The following CDH13 variants were observed in gnomAD, a reference collection of about 807,000 sequenced individuals.
CDH13 encodes cadherin 13.
A neutral mutation model predicts 63.8 loss-of-function variants in CDH13; 24 were observed. That is an observed-to-expected ratio of 0.38 (90% CI 0.27 to 0.53). The LOEUF is 0.53. Among genes scored for constraint, CDH13 ranks in the 20% least tolerant of loss-of-function variants. CDH13 has a pLI of 0.85. For missense variants in CDH13, 1,049 were observed against 903.1 expected, an observed-to-expected ratio of 1.16 and a Z score of -2.07; for synonymous variants, 503 against 355.3, an observed-to-expected ratio of 1.42 and a Z score of -4.67.
In CDH13 at chr16:83,486,673, C is replaced by T. The variant is rs766731010; in HGVS notation, c.960+18C>T. 1.5e-5 allele frequency: 24 copies of T among 1,607,064 alleles called. No individual in the cohort carries two copies. Among genetic ancestry groups the T allele is most frequent in the Non-Finnish European group, 2.0e-5 (23 of 1,174,044 alleles). ...ACCGAGAGGTGAGCTGAAAAGAATACACTTTCTTTTTCACGAGAATAGAAT... is the reference window on the plus strand; with the variant it reads ...ACCGAGAGGTGAGCTGAAAAGAATATACTTTCTTTTTCACGAGAATAGAAT... On this transcript the variant is annotated intron_variant, in intron 7 of 13. Coordinates refer to ENST00000567109, the MANE Select transcript of CDH13 (RefSeq NM_001257.5).
rs1004618600 is a variant in CDH13 at position 83,800,254 on chromosome 16, C to G, written c.*5224C>G. The G allele has an allele frequency of 5.3e-5, 8 of 151,958 alleles. No homozygotes were observed. The highest frequency in any genetic ancestry group is 1.0e-4 in the Non-Finnish European group (7 of 67,964). 9.4% of individuals were successfully genotyped at this position (151,958 alleles called of 1,614,324 possible). On this transcript the variant is annotated 3_prime_UTR_variant, in exon 14 of 14. Transcript: ENST00000567109. The stretch of plus-strand genomic sequence containing the variant: ...AAATAAACTGGAGACTATTTTTTTG[C>G]TACTTTTTAAAAAGCTTTTTCTTTA...
chr16:82,956,881 G>C (rs1906196949), intron 2 of CDH13, among the ~76,000 whole-genome samples: 1 of 152,216 alleles, frequency 6.6e-6, no homozygotes, highest in Admixed American at 6.5e-5. Flanking sequence ...CAATAAGATA[G>C]ATGCATATTA....
In CDH13 at chr16:82,718,461, G is replaced by T. The variant is rs1364070441; in HGVS notation, c.45+91324G>T. Among the ~76,000 whole-genome samples the T allele has an allele frequency of 2.6e-5, 4 of 152,304 alleles. No homozygotes were observed. In the East Asian group the frequency reaches 7.7e-4, roughly 29 times the overall value. Reference sequence around the variant, plus strand: ...AAGTAGGAAGTAACCAGCAACTGGGGTGGGGATGGTGAAGAAGAAGGAGAA... The same window carrying T: ...AAGTAGGAAGTAACCAGCAACTGGGTTGGGGATGGTGAAGAAGAAGGAGAA... On this transcript the variant is annotated intron_variant, in intron 1 of 13. Transcript: ENST00000567109.
At chr16:82,827,385 C>T (rs1159988261) in intron 1 of CDH13, among the ~76,000 whole-genome samples, 2 of 152,118 alleles carry the variant, frequency 1.3e-5, no homozygotes, top group Non-Finnish European at 2.9e-5. Flanking sequence ...AAGCAAATGT[C>T]TGCCACTCAC....
chr16:82,888,484 G>A (rs555427077), intron 2 of CDH13, among the ~76,000 whole-genome samples: 1 of 152,180 alleles, frequency 6.6e-6, no homozygotes, highest in Non-Finnish European at 1.5e-5. Context: ...CTCTGTCCCT[G>A]CTGCCTCTGG....
At chr16:83,376,130 A>T (rs962966038) in intron 6 of CDH13, among the ~76,000 whole-genome samples, 25 of 152,178 alleles carry the variant, frequency 1.6e-4, no homozygotes, top group African/African-American at 5.8e-4. Flanking sequence ...GCAAACAAAA[A>T]TGGCCACCTG....
intron 2 of CDH13, among the ~76,000 whole-genome samples, chr16:82,993,545 GGGCCATGTTTA>G (rs1279908560): frequency 7.9e-5 from 12 of 152,100 alleles, no homozygotes; most frequent in Non-Finnish European, 1.3e-4. Context: ...AAGTAGCATT[GGGCCATGTTTA>G]AGAAGTTTTC....
At chr16:83,014,826 ATT>A (rs376686586) in intron 2 of CDH13, among the ~76,000 whole-genome samples, 13,406 of 39,142 alleles carry the variant, frequency 0.34, 1,101 homozygotes, top group East Asian at 0.46. Flanking sequence ...GTATATATAT[ATT>A]TGTATATATA....
At chr16:83,619,003 C>T (rs2150774370) in intron 8 of CDH13, among the ~76,000 whole-genome samples, 1 of 152,308 alleles carries the variant, frequency 6.6e-6, no homozygotes, top group Non-Finnish European at 1.5e-5. Context: ...TTTATTTTTG[C>T]TGTTGACCGG....
chr16:83,248,267 G>A (rs1015456401), intron 5 of CDH13, among the ~76,000 whole-genome samples: 7 of 152,124 alleles, frequency 4.6e-5, no homozygotes, highest in African/African-American at 1.7e-4. Context: ...CTCACGCGTG[G>A]GTGAGAAGAA....
chr16:83,189,928 G>T (rs1386213419), intron 4 of CDH13, among the ~76,000 whole-genome samples: 2 of 152,120 alleles, frequency 1.3e-5, no homozygotes, highest in Non-Finnish European at 2.9e-5. Flanking sequence ...TTTTATAAGT[G>T]GGAGTTCCCC....
At position 83,724,403 on chromosome 16, in the gene CDH13, A is replaced by G. The variant is rs28714123; in HGVS notation, c.1539-23705A>G. Among the ~76,000 whole-genome samples the G allele has an allele frequency of 5.4e-5, 7 of 129,564 alleles. No homozygotes were observed. The South Asian group carries it at 8.9e-4, about 16-fold the overall frequency. 85.0% of individuals were successfully genotyped at this position (129,564 alleles called of 152,430 possible). A position where few individuals can be genotyped will look rare whatever the true frequency, so the allele number is the denominator to read the frequency against. On this transcript the variant is annotated intron_variant, in intron 10 of 13. Coordinates refer to ENST00000567109, the MANE Select transcript of CDH13 (RefSeq NM_001257.5). ...TGGGTGGGTGATGAATGCATGGGTGAGTGATGAATGCATAGGTGAGTGAGG... is the reference window on the plus strand; with the variant it reads ...TGGGTGGGTGATGAATGCATGGGTGGGTGATGAATGCATAGGTGAGTGAGG...
At chr16:82,806,490 T>C (rs2037151733) in intron 1 of CDH13, among the ~76,000 whole-genome samples, 1 of 152,200 alleles carries the variant, frequency 6.6e-6, no homozygotes, top group African/African-American at 2.4e-5. Context: ...GAGCTCTCTG[T>C]TTTTTGTTTT....
chr16:83,001,309 A>G (rs1433537458), intron 2 of CDH13, among the ~76,000 whole-genome samples: 1 of 152,246 alleles, frequency 6.6e-6, no homozygotes, highest in Non-Finnish European at 1.5e-5. Context: ...GGAGCTGCTT[A>G]GCACAAGTAG....
In CDH13 at chr16:83,586,115, A is replaced by T. The variant is rs535106001; in HGVS notation, c.961-16339A>T. Among the ~76,000 whole-genome samples the T allele has an allele frequency of 8.5e-5, 13 of 152,340 alleles. No individual in the cohort carries two copies. In the East Asian group the frequency reaches 1.9e-3, roughly 23 times the overall value. ...GTGCTCTGTGCACGTAGCCATGATT[A>T]TTATAATGACAGCGTGTCTGAGTGG... is the stretch of plus-strand genomic sequence containing the variant. On this transcript the variant is annotated intron_variant, in intron 7 of 13. Transcript: ENST00000567109.
At chr16:83,635,469 G>C (rs1330224650) in intron 8 of CDH13, among the ~76,000 whole-genome samples, 1 of 148,134 alleles carries the variant, frequency 6.8e-6, no homozygotes, top group Non-Finnish European at 1.5e-5. Flanking sequence ...TCAGCCTCCC[G>C]AGTAGCTAGG....
At chr16:83,010,526 C>T (rs946444344) in intron 2 of CDH13, among the ~76,000 whole-genome samples, 1 of 152,058 alleles carries the variant, frequency 6.6e-6, no homozygotes, top group South Asian at 2.1e-4. Context: ...TGAAGAGGAA[C>T]CCCACTCATT....
chr16:83,321,793 G>A (rs141168179), intron 5 of CDH13, among the ~76,000 whole-genome samples: 1 of 152,188 alleles, frequency 6.6e-6, no homozygotes, highest in Non-Finnish European at 1.5e-5. Flanking sequence ...CTCCCAAAGT[G>A]CTGGGATTAC....
At chr16:83,655,738 C>A (rs1237195740) in intron 8 of CDH13, among the ~76,000 whole-genome samples, 1 of 152,138 alleles carries the variant, frequency 6.6e-6, no homozygotes, top group Non-Finnish European at 1.5e-5. Flanking sequence ...TCCCAAACAC[C>A]CAGAATCGAG....
Sources: gnomAD v4.1 joint callset for allele counts (sites outside exome capture counted in the v4.1 genomes callset) on GRCh38, gnomAD v4.1.1 for gene constraint, MANE v1.5 for transcripts, NCBI Gene and HGNC (gene_info 2026-07-23, HGNC 2026-07-21) for gene names.